GLT1D1: variants seen among roughly 807,000 people sequenced by gnomAD.
GLT1D1 encodes the protein glycosyltransferase 1 domain-containing protein 1.
A neutral mutation model predicts 28.7 loss-of-function variants in GLT1D1; 21 were observed. The observed-to-expected ratio is 0.73, with a 90% CI of 0.52 to 1.05. The LOEUF is 1.05. Ranked by LOEUF, GLT1D1 falls within the 50% of genes least tolerant of loss-of-function variation. GLT1D1 has a pLI of 0.00. For missense variants in GLT1D1, 343 were observed against 330.6 expected (o/e 1.04, Z -0.29); for synonymous variants, 147 against 124.8 (o/e 1.18, Z -1.19).
chr12:128,920,693 G>A (rs1046768801), intron 4 of GLT1D1, among the ~76,000 whole-genome samples: 1 of 152,232 alleles, frequency 6.6e-6, no homozygotes, highest in African/African-American at 2.4e-5. Context: ...ATTAAGCAAT[G>A]TGGAGTGTAG....
chr12:128,940,318 C>G (rs1019262037), intron 4 of GLT1D1, among the ~76,000 whole-genome samples: 2 of 152,164 alleles, frequency 1.3e-5, no homozygotes, highest in Admixed American at 6.6e-5. Flanking sequence ...ACGAATTCAG[C>G]CCCTGGGGTC....
intron 4 of GLT1D1, 88 bp downstream of exon 7, chr12:128,926,542 T>C: frequency 1.5e-6 from 1 of 681,036 alleles, no homozygotes; most frequent in South Asian, 1.7e-5. Context: ...GCCCTGAGTT[T>C]TCTTTCCTCA....
intron 7 of GLT1D1, among the ~76,000 whole-genome samples, chr12:128,974,933 C>T (rs1052460238): frequency 3.3e-5 from 5 of 152,244 alleles, no homozygotes; most frequent in Non-Finnish European, 5.9e-5. Context: ...AAGAAAGAAG[C>T]ATTTGCCCCT....
chr12:128,889,101 A>G (rs1868731273), intron 3 of GLT1D1, among the ~76,000 whole-genome samples: 2 of 152,160 alleles, frequency 1.3e-5, no homozygotes, highest in Non-Finnish European at 2.9e-5. Context: ...CTATGGTTGC[A>G]ATCCAGCCTG....
At chr12:128,943,932 T>C (rs978835286) in intron 4 of GLT1D1, among the ~76,000 whole-genome samples, 3 of 152,154 alleles carry the variant, frequency 2.0e-5, no homozygotes, top group Non-Finnish European at 2.9e-5. Flanking sequence ...TCCGGGAAAA[T>C]ACGGAAGCTT....
chr12:128,864,759 G>T (rs369261354), intron 1 of GLT1D1, among the ~76,000 whole-genome samples: 1 of 152,046 alleles, frequency 6.6e-6, no homozygotes, highest in East Asian at 1.9e-4. Context: ...TGTGGGGGTG[G>T]TTAACTCCTG....
intron 4 of GLT1D1, chr12:128,944,872 T>C: frequency 2.8e-6 from 1 of 361,728 alleles, no homozygotes; most frequent in South Asian, 4.0e-5. Context: ...TAGGTATACA[T>C]GTGCCATGGT....
chr12:128,959,411 T>TAG (rs1555219942), intron 7 of GLT1D1, among the ~76,000 whole-genome samples: 5 of 31,504 alleles, frequency 1.6e-4, no homozygotes, highest in African/African-American at 5.6e-4. Flanking sequence ...CATGAGGCAG[T>TAG]GGGGGGGGAC....
At chr12:128,944,773 A>T in intron 4 of GLT1D1, 1 of 462,592 alleles carries the variant, frequency 2.2e-6, no homozygotes. Flanking sequence ...GGTCAATGAA[A>T]GCCTTGGCTA....
At chr12:128,932,001 T>C (rs1398155951) in intron 4 of GLT1D1, among the ~76,000 whole-genome samples, 5 of 152,194 alleles carry the variant, frequency 3.3e-5, no homozygotes, top group Non-Finnish European at 5.9e-5. Flanking sequence ...TTCCTAATTC[T>C]GGAAGGAGGT....
chr12:128,974,441 C>A (rs955566738), intron 7 of GLT1D1, among the ~76,000 whole-genome samples: 1 of 152,158 alleles, frequency 6.6e-6, no homozygotes, highest in Non-Finnish European at 1.5e-5. Flanking sequence ...GGTCAGTGAC[C>A]CTGCTGTTAG....
intron 4 of GLT1D1, among the ~76,000 whole-genome samples, chr12:128,905,669 T>C (rs1375818061): frequency 1.3e-5 from 2 of 152,206 alleles, no homozygotes; most frequent in Non-Finnish European, 2.9e-5. Flanking sequence ...CAGCCTTAAT[T>C]TGACATTGTA....
chr12:128,904,765 C>A (rs1419576214), intron 4 of GLT1D1, among the ~76,000 whole-genome samples: 1 of 151,156 alleles, frequency 6.6e-6, no homozygotes, highest in Non-Finnish European at 1.5e-5. Context: ...TCCCAAGTAG[C>A]TGGGATTACA....
At chr12:128,981,672 T>C (rs372569710) in intron 7 of GLT1D1, among the ~76,000 whole-genome samples, 2 of 152,244 alleles carry the variant, frequency 1.3e-5, no homozygotes, top group African/African-American at 4.8e-5. Flanking sequence ...TCTATGTTGA[T>C]CTTAGGCATT....
In GLT1D1 at chr12:128,973,551, G is replaced by A. The variant is rs189946715; in HGVS notation, c.640-9378G>A. ...CAGAACGAATGGCAGATTTACCGCC[G>A]CACTTTAATGGGCTGCTCTTTCCCT... On this transcript the variant is annotated intron_variant, in intron 7 of 7. Transcript: ENST00000281703. Among the ~76,000 whole-genome samples the A allele has an allele frequency of 1.9e-4, 29 of 151,434 alleles. No homozygotes were observed. The East Asian group carries it at 4.3e-3, about 22-fold the overall frequency.
At chr12:128,952,377 G>A (rs1876777108) in intron 6 of GLT1D1, among the ~76,000 whole-genome samples, 1 of 140,528 alleles carries the variant, frequency 7.1e-6, no homozygotes. Flanking sequence ...GAACGTATTT[G>A]GAGATAGAGG....
intron 7 of GLT1D1, among the ~76,000 whole-genome samples, chr12:128,976,492 G>T (rs921628308): frequency 7.9e-5 from 12 of 152,190 alleles, no homozygotes; most frequent in Non-Finnish European, 1.6e-4. Flanking sequence ...TAACGACGGC[G>T]GCCTGCGCCA....
intron 4 of GLT1D1, among the ~76,000 whole-genome samples, chr12:128,914,322 T>G (rs1439092089): frequency 6.6e-6 from 1 of 152,086 alleles, no homozygotes; most frequent in Non-Finnish European, 1.5e-5. Flanking sequence ...TTCCTGGCAT[T>G]TTTAAGGAAC....
At chr12:128,904,336 C>T (rs1404975640) in intron 4 of GLT1D1, among the ~76,000 whole-genome samples, 3 of 151,570 alleles carry the variant, frequency 2.0e-5, no homozygotes, top group Non-Finnish European at 2.9e-5. Flanking sequence ...TATTGGCAGA[C>T]CACAGTCAGT....
Sources: gnomAD v4.1 joint callset for allele counts (sites outside exome capture counted in the v4.1 genomes callset) on GRCh38, gnomAD v4.1.1 for gene constraint, MANE v1.5 for transcripts, NCBI Gene and HGNC (gene_info 2026-07-23, HGNC 2026-07-21) for gene names.